The following GAREM1 variants were observed in gnomAD, a reference collection of about 807,000 sequenced individuals.
GAREM1 encodes GRB2-associated and regulator of MAPK protein 1.
GAREM1 carries 26 observed loss-of-function variants against 71.3 expected under a neutral mutation model. That is an observed-to-expected ratio of 0.36 (90% CI 0.27 to 0.51). GAREM1 has a LOEUF of 0.51. Ranked by LOEUF, GAREM1 falls within the 20% of genes least tolerant of loss-of-function variation. GAREM1 has a pLI of 0.95. For synonymous variants in GAREM1, 440 were observed against 433.2 expected (o/e 1.02, Z -0.20); for missense variants, 1,026 against 1,103.1 (o/e 0.93, Z 0.99).
intron 1 of GAREM1, among the ~76,000 whole-genome samples, chr18:32,447,110 A>G (rs2048792396): frequency 6.6e-6 from 1 of 152,188 alleles, no homozygotes; most frequent in Non-Finnish European, 1.5e-5. Context: ...GTGTGCACAA[A>G]CAGCAGTTAC....
intron 1 of GAREM1, chr18:32,412,602 C>T (rs963900258): frequency 6.8e-7 from 1 of 1,474,732 alleles, no homozygotes; most frequent in Non-Finnish European, 9.4e-7. Flanking sequence ...ACCTCTTTGG[C>T]TGGATGAAGC....
intron 1 of GAREM1, among the ~76,000 whole-genome samples, chr18:32,459,067 CA>C (rs2048927751): frequency 6.6e-6 from 1 of 152,008 alleles, no homozygotes; most frequent in African/African-American, 2.4e-5. Flanking sequence ...CATTCAGTCA[CA>C]AAAGGTCTAT....
chr18:32,271,839 T>C (rs1377344080), intron 4 of GAREM1, among the ~76,000 whole-genome samples: 1 of 152,148 alleles, frequency 6.6e-6, no homozygotes, highest in African/African-American at 2.4e-5. Context: ...TTTCAGAATA[T>C]AATTACTAAT....
intron 1 of GAREM1, among the ~76,000 whole-genome samples, chr18:32,458,065 T>C (rs1599062936): frequency 6.6e-6 from 1 of 152,252 alleles, no homozygotes; most frequent in East Asian, 1.9e-4. Context: ...TGTACATAGA[T>C]TCTAAACTTC....
chr18:32,407,986 A>G (rs994431949), intron 1 of GAREM1, among the ~76,000 whole-genome samples: 1 of 152,010 alleles, frequency 6.6e-6, no homozygotes, highest in Non-Finnish European at 1.5e-5. Context: ...TTTTTTTTAA[A>G]AAAAAACTAA....
At chr18:32,461,169 G>T (rs1336326912) in intron 1 of GAREM1, among the ~76,000 whole-genome samples, 1 of 152,160 alleles carries the variant, frequency 6.6e-6, no homozygotes, top group African/African-American at 2.4e-5. Context: ...ATACACTGCT[G>T]TAGTAATATA....
At chr18:32,398,839 C>A (rs945440581) in intron 1 of GAREM1, among the ~76,000 whole-genome samples, 2 of 152,124 alleles carry the variant, frequency 1.3e-5, no homozygotes, top group African/African-American at 4.8e-5. Flanking sequence ...CATCCTGATA[C>A]CAAAGCCTGG....
intron 1 of GAREM1, among the ~76,000 whole-genome samples, chr18:32,434,223 T>C (rs1280401963): frequency 6.6e-6 from 1 of 152,198 alleles, no homozygotes; most frequent in Non-Finnish European, 1.5e-5. Flanking sequence ...CTTGTTGTGT[T>C]AGGTATCAGA....
At chr18:32,464,579 T>A (rs964619175) in intron 1 of GAREM1, among the ~76,000 whole-genome samples, 8 of 152,218 alleles carry the variant, frequency 5.3e-5, no homozygotes, top group African/African-American at 1.9e-4. Flanking sequence ...ACACTTTCTG[T>A]CTGATAAAGA....
At chr18:32,282,224 T>A (rs1013551104) in intron 4 of GAREM1, among the ~76,000 whole-genome samples, 2 of 152,104 alleles carry the variant, frequency 1.3e-5, no homozygotes, top group Non-Finnish European at 2.9e-5. Context: ...AAAAAGACCA[T>A]CCTGGCCAAC....
At chr18:32,355,740 C>T (rs1270968812) in intron 2 of GAREM1, among the ~76,000 whole-genome samples, 3 of 152,070 alleles carry the variant, frequency 2.0e-5, no homozygotes, top group Admixed American at 1.3e-4. Flanking sequence ...AGGTGAAAAA[C>T]ATTCTATAAA....
chr18:32,335,680 G>A (rs2047584193), intron 2 of GAREM1, among the ~76,000 whole-genome samples: 1 of 152,174 alleles, frequency 6.6e-6, no homozygotes, highest in Non-Finnish European at 1.5e-5. Flanking sequence ...TTATTTCTCA[G>A]AAATGCTTGA....
intron 3 of GAREM1, among the ~76,000 whole-genome samples, chr18:32,299,018 T>C (rs2047170918): frequency 6.6e-6 from 1 of 152,132 alleles, no homozygotes; most frequent in South Asian, 2.1e-4. Flanking sequence ...TGTGATGCTA[T>C]AGCAGAGGGC....
intron 1 of GAREM1, among the ~76,000 whole-genome samples, chr18:32,424,814 C>T (rs189399019): frequency 2.6e-5 from 4 of 152,232 alleles, no homozygotes; most frequent in Admixed American, 2.6e-4. Flanking sequence ...TTATAACATT[C>T]TCTTAATTCA....
intron 4 of GAREM1, among the ~76,000 whole-genome samples, chr18:32,272,710 G>C (rs994615314): frequency 6.6e-6 from 1 of 151,686 alleles, no homozygotes; most frequent in Non-Finnish European, 1.5e-5. Flanking sequence ...TGCAACCTCC[G>C]CCTCCCAGGT....
rs752953451 is a variant in GAREM1 at position 32,287,496 on chromosome 18, G to T, written c.1101C>A (p.His367Gln). 1 of 1,614,112 alleles carries T rather than the reference G, an allele frequency of 6.2e-7. No individual in the cohort carries two copies. The highest frequency in any genetic ancestry group is 1.3e-5 in the African/African-American group (1 of 74,946). The change falls in exon 4 of 6, where the codon CAC becomes CAA. Residue 367 changes from histidine (H) to glutamine (Q), a missense_variant. By Grantham distance (24) the His-to-Gln change is conservative. Transcript: ENST00000269209. The surrounding 1 kb of genome is among the most constrained non-coding windows in gnomAD (Gnocchi z 5.9). ...PKKGRCSGHN[H>Q]VPNSLSYARD... ...GGGCGTAGCTGAGCGAATTGGGCACGTGGTTGTGGCCAGAGCACCGACCCT... is the reference window on the plus strand; with the variant it reads ...GGGCGTAGCTGAGCGAATTGGGCACTTGGTTGTGGCCAGAGCACCGACCCT...
chr18:32,287,925 G>A lies in GAREM1; in HGVS notation c.672C>T (p.Pro224=). 2 of 1,614,070 alleles carry A rather than the reference G, an allele frequency of 1.2e-6. No individual in the cohort carries two copies. The highest frequency in any genetic ancestry group is 2.2e-5 in the South Asian group (2 of 91,062). ...QCKGRFSTRS[P]LELQMQEGEH... ...CGCCCTCTTGCATCTGAAGTTCCAG[G>A]GGACTTCGGGTGCTAAATCTGCCCT... Residue 224 remains proline, a synonymous_variant, in exon 4 of 6, where the codon CCC becomes CCT. Coordinates refer to ENST00000269209, the MANE Select transcript of GAREM1 (RefSeq NM_001242409.2). The surrounding 1 kb of genome is among the most constrained non-coding windows in gnomAD (Gnocchi z 5.9).
chr18:32,460,930 CA>C (rs2048949470), intron 1 of GAREM1, among the ~76,000 whole-genome samples: 2 of 152,144 alleles, frequency 1.3e-5, no homozygotes, highest in South Asian at 4.2e-4. Flanking sequence ...AAAGAACTAG[CA>C]AAAAGGTGAA....
intron 2 of GAREM1, among the ~76,000 whole-genome samples, chr18:32,339,371 T>C (rs1165355514): frequency 2.0e-5 from 3 of 152,220 alleles, no homozygotes; most frequent in Non-Finnish European, 4.4e-5. Flanking sequence ...ACTGTCCTAC[T>C]ATGCAGGGAA....
Sources: gnomAD v4.1 joint callset for allele counts (sites outside exome capture counted in the v4.1 genomes callset) on GRCh38, gnomAD v4.1.1 for gene constraint, Gnocchi (gnomAD v3.1) non-coding constraint, MANE v1.5 for transcripts, NCBI Gene and HGNC (gene_info 2026-07-23, HGNC 2026-07-21) for gene names.